VEPH1: variants seen among roughly 807,000 people sequenced by gnomAD.
The protein encoded by VEPH1 is ventricular zone-expressed PH domain-containing protein homolog 1.
VEPH1 carries 80 observed loss-of-function variants against 85.2 expected under a neutral mutation model. That is an observed-to-expected ratio of 0.94 (90% CI 0.78 to 1.13). VEPH1 has a LOEUF of 1.13. VEPH1 is among the 50% of genes most tolerant of loss of function. The pLI, the probability that VEPH1 is intolerant of heterozygous loss-of-function variation, is 0.00. For synonymous variants in VEPH1, 297 were observed against 348.0 expected (o/e 0.85, Z 1.63); for missense variants, 955 against 980.5 (o/e 0.97, Z 0.35).
In VEPH1 at chr3:157,449,104, A is replaced by G. The variant is rs140626144; in HGVS notation, c.529+11077T>C. 2.6e-3 allele frequency among the ~76,000 whole-genome samples: 394 copies of G among 152,318 alleles called. 2 individuals are homozygous for G. Among genetic ancestry groups the G allele is most frequent in the Middle Eastern group, 0.014 (4 of 294 alleles). On this transcript the variant is annotated intron_variant, in intron 4 of 13. Coordinates refer to ENST00000362010, the MANE Select transcript of VEPH1 (RefSeq NM_001167912.2). ...TCCAATAAACATCTTTCTTTTGGAA[A>G]TTGCCCAGTCTCAGGTACATCTTTA...
chr3:157,430,217 T>C (rs1291774252), intron 4 of VEPH1, among the ~76,000 whole-genome samples: 1 of 152,234 alleles, frequency 6.6e-6, no homozygotes, highest in East Asian at 1.9e-4. Context: ...AAAGGGAGTA[T>C]TTATGATCTC....
At chr3:157,325,402 G>C (rs942456865) in intron 9 of VEPH1, among the ~76,000 whole-genome samples, 9 of 152,098 alleles carry the variant, frequency 5.9e-5, no homozygotes, top group Non-Finnish European at 1.3e-4. Context: ...TCTTTGCCAT[G>C]AAATCTTTGC....
At chr3:157,313,064 C>G (rs1720300418) in intron 11 of VEPH1, among the ~76,000 whole-genome samples, 1 of 151,402 alleles carries the variant, frequency 6.6e-6, no homozygotes, top group Non-Finnish European at 1.5e-5. Flanking sequence ...GCTACCACGC[C>G]CGGCTAATTT....
chr3:157,300,437 C>G (rs115547681), intron 11 of VEPH1, among the ~76,000 whole-genome samples: 3 of 152,144 alleles, frequency 2.0e-5, no homozygotes, highest in Non-Finnish European at 4.4e-5. Flanking sequence ...ATAGGACAGT[C>G]TGGCTTGTGA....
chr3:157,380,687 A>T (rs773872330), intron 7 of VEPH1, among the ~76,000 whole-genome samples: 4 of 152,174 alleles, frequency 2.6e-5, no homozygotes, highest in Middle Eastern at 6.3e-3. Flanking sequence ...CCTTGAACTC[A>T]TCTTGATAAG....
chr3:157,294,093 G>A (rs914299225), intron 11 of VEPH1, among the ~76,000 whole-genome samples: 5 of 152,186 alleles, frequency 3.3e-5, no homozygotes, highest in Middle Eastern at 6.8e-3. Flanking sequence ...TCTATTTGTG[G>A]TACTATACTA....
At chr3:157,366,647 A>C (rs533153236) in intron 7 of VEPH1, among the ~76,000 whole-genome samples, 1 of 152,210 alleles carries the variant, frequency 6.6e-6, no homozygotes, top group Admixed American at 6.5e-5. Context: ...AGGCGGGAGA[A>C]TCAATTGAAC....
intron 6 of VEPH1, among the ~76,000 whole-genome samples, chr3:157,400,536 G>A (rs1011691291): frequency 1.3e-5 from 2 of 152,148 alleles, no homozygotes; most frequent in Non-Finnish European, 2.9e-5. Context: ...TGCTATTTGA[G>A]ACAATAAATT....
intron 2 of VEPH1, among the ~76,000 whole-genome samples, chr3:157,490,142 A>T (rs576843907): frequency 6.6e-6 from 1 of 152,140 alleles, no homozygotes; most frequent in Admixed American, 6.5e-5. Flanking sequence ...CTTCAAATTA[A>T]TCTATAGTTA....
chr3:157,381,712 CG>C (rs1728801116), intron 6 of VEPH1: 1 of 210,912 alleles, frequency 4.7e-6, no homozygotes, highest in Non-Finnish European at 9.5e-6. Flanking sequence ...GAGGGAGACT[CG>C]GTCTCAGAAA....
intron 4 of VEPH1, chr3:157,443,545 A>AT (rs781002291): frequency 6.6e-6 from 1 of 152,634 alleles, no homozygotes; most frequent in Non-Finnish European, 1.5e-5. Flanking sequence ...ATTTAAGACT[A>AT]TTTTTGTAAA....
intron 11 of VEPH1, among the ~76,000 whole-genome samples, chr3:157,313,060 A>G (rs1559948284): frequency 2.0e-5 from 3 of 151,138 alleles, no homozygotes; most frequent in Admixed American, 1.3e-4. Flanking sequence ...GCCCGCTACC[A>G]CGCCCGGCTA....
At chr3:157,275,272 G>C (rs1715231659) in intron 12 of VEPH1, among the ~76,000 whole-genome samples, 2 of 152,040 alleles carry the variant, frequency 1.3e-5, no homozygotes, top group African/African-American at 2.4e-5. Context: ...AACATATTCT[G>C]GAAGAAAAAA....
intron 1 of VEPH1, among the ~76,000 whole-genome samples, chr3:157,498,234 G>A (rs6786828): frequency 1.3e-5 from 2 of 152,182 alleles, no homozygotes; most frequent in African/African-American, 4.8e-5. Context: ...GCTATTCAGC[G>A]ATTATAGGAC....
intron 9 of VEPH1, among the ~76,000 whole-genome samples, chr3:157,353,577 C>T (rs1360570213): frequency 6.6e-6 from 1 of 151,938 alleles, no homozygotes; most frequent in Non-Finnish European, 1.5e-5. Context: ...CAGTGTGATT[C>T]TTCAGAGAAA....
intron 2 of VEPH1, among the ~76,000 whole-genome samples, chr3:157,475,996 A>G (rs1737434147): frequency 6.6e-6 from 1 of 152,224 alleles, no homozygotes; most frequent in Admixed American, 6.5e-5. Flanking sequence ...TTTTATGTTC[A>G]TGGGAATATT....
chr3:157,451,722 C>T (rs1734983677), intron 4 of VEPH1, among the ~76,000 whole-genome samples: 1 of 152,122 alleles, frequency 6.6e-6, no homozygotes, highest in Non-Finnish European at 1.5e-5. Context: ...AAGAGGCAAA[C>T]ACCCCTGCCA....
chr3:157,326,792 G>A (rs9917781), intron 9 of VEPH1, among the ~76,000 whole-genome samples: 1 of 152,148 alleles, frequency 6.6e-6, no homozygotes, highest in South Asian at 2.1e-4. Flanking sequence ...ATGGGCAATG[G>A]TCACCGCTGA....
intron 5 of VEPH1, among the ~76,000 whole-genome samples, chr3:157,427,688 C>G (rs1301875681): frequency 6.6e-6 from 1 of 152,184 alleles, no homozygotes; most frequent in Non-Finnish European, 1.5e-5. Flanking sequence ...CTACTGGCCT[C>G]AAGTGATTCA....
Sources: allele counts gnomAD v4.1 joint callset (sites outside exome capture counted in the v4.1 genomes callset), GRCh38; gene constraint gnomAD v4.1.1; transcripts MANE v1.5; gene names NCBI Gene and HGNC (gene_info 2026-07-23, HGNC 2026-07-21).